Variants in TESC observed in about 807,000 individuals in gnomAD.
TESC encodes calcineurin B homologous protein 3.
Under a neutral mutation model 31.0 loss-of-function variants are expected in TESC, and 19 were observed. That is an observed-to-expected ratio of 0.61 (90% CI 0.43 to 0.90). The LOEUF (loss-of-function observed/expected upper bound fraction) is 0.90, where lower values mean the gene tolerates loss of function less well. Among genes scored for constraint, TESC ranks in the 40% least tolerant of loss-of-function variants. TESC has a pLI of 0.00. For synonymous variants in TESC, 109 were observed against 114.8 expected (o/e 0.95, Z 0.32); for missense variants, 248 against 303.8 (o/e 0.82, Z 1.36).
At chr12:117,062,374 A>G (rs1954810966) in intron 2 of TESC, among the ~76,000 whole-genome samples, 1 of 152,086 alleles carries the variant, frequency 6.6e-6, no homozygotes, top group South Asian at 2.1e-4. Context: ...GGTACCTGCC[A>G]CCATGCCCAG....
chr12:117,098,976 C>G (rs1393076438), intron 1 of TESC, among the ~76,000 whole-genome samples: 1 of 152,158 alleles, frequency 6.6e-6, no homozygotes, highest in Non-Finnish European at 1.5e-5. Flanking sequence ...GGTCCGCAGT[C>G]CCCCGGCCAG....
intron 2 of TESC, among the ~76,000 whole-genome samples, chr12:117,058,287 A>G (rs748093781): frequency 3.2e-4 from 48 of 152,298 alleles, no homozygotes; most frequent in Admixed American, 7.8e-4. Flanking sequence ...AAAGAAGCCA[A>G]TTACAAATGA....
intron 1 of TESC, among the ~76,000 whole-genome samples, chr12:117,080,587 C>T (rs780466379): frequency 2.6e-5 from 4 of 152,344 alleles, no homozygotes; most frequent in Non-Finnish European, 5.9e-5. Flanking sequence ...TCCCTAGAGC[C>T]AAGGGCTCAG....
intron 4 of TESC, among the ~76,000 whole-genome samples, chr12:117,047,808 G>A (rs903836721): frequency 2.6e-5 from 4 of 152,036 alleles, no homozygotes; most frequent in Non-Finnish European, 5.9e-5. Context: ...TGGTGCAACT[G>A]TAGCTCATTG....
chr12:117,059,974 TG>T (rs1321039481), intron 2 of TESC, among the ~76,000 whole-genome samples: 2 of 152,182 alleles, frequency 1.3e-5, no homozygotes, highest in East Asian at 3.9e-4. Flanking sequence ...ACACAAATGG[TG>T]TACGATGCCA....
chr12:117,040,008 G>A (rs1450301818), intron 7 of TESC, among the ~76,000 whole-genome samples: 1 of 152,234 alleles, frequency 6.6e-6, no homozygotes, highest in Non-Finnish European at 1.5e-5. Flanking sequence ...GGACGTGGTG[G>A]GCGGGTGACT....
chr12:117,062,433 G>T (rs1954811652), intron 2 of TESC, among the ~76,000 whole-genome samples: 1 of 152,116 alleles, frequency 6.6e-6, no homozygotes, highest in African/African-American at 2.4e-5. Context: ...TGTTGGCCAG[G>T]CTGGTCTCGA....
intron 1 of TESC, 68 bp downstream of exon 1, chr12:117,099,157 G>A (rs969078437): frequency 9.8e-6 from 14 of 1,423,360 alleles, no homozygotes; most frequent in Middle Eastern, 2.5e-4. Flanking sequence ...GCGGCGGGCC[G>A]GGGTCCCCAA....
chr12:117,048,359 CG>C (rs1463732736), intron 4 of TESC, among the ~76,000 whole-genome samples: 1 of 152,310 alleles, frequency 6.6e-6, no homozygotes, highest in African/African-American at 2.4e-5. Flanking sequence ...CTAAATATAG[CG>C]AAGTCCCATG....
intron 1 of TESC, among the ~76,000 whole-genome samples, 186 bp from the exon 2 acceptor site, chr12:117,075,526 G>T (rs1955039780): frequency 6.6e-6 from 1 of 152,008 alleles, no homozygotes; most frequent in African/African-American, 2.4e-5. Context: ...GTTCTTCCCA[G>T]AAACAGCTCT....
chr12:117,084,546 C>A (rs1473827071), intron 1 of TESC, among the ~76,000 whole-genome samples: 1 of 152,246 alleles, frequency 6.6e-6, no homozygotes, highest in Non-Finnish European at 1.5e-5. Flanking sequence ...CTGGCCTCCC[C>A]CATCAGGCTG....
chr12:117,041,953 G>C lies in TESC; in HGVS notation c.561C>G (p.Phe187Leu). ...CCACGCCCAGGCCACCCACCTTCAG[G>C]AAGTCCTCGAAGGTGATCCCCTCGT... ...QVYEGITFEDFLKIWQGIDIE... is the reference protein window; with the variant it reads ...QVYEGITFEDLLKIWQGIDIE... Residue 187 changes from phenylalanine (F) to leucine (L), a missense_variant, in exon 7 of 8, where the codon TTC becomes TTG. Transcript: ENST00000335209. 1 of 1,589,446 alleles carries C rather than the reference G, an allele frequency of 6.3e-7. No homozygotes were observed.
intron 1 of TESC, among the ~76,000 whole-genome samples, chr12:117,087,586 G>C (rs961783667): frequency 1.3e-5 from 2 of 152,190 alleles, no homozygotes; most frequent in Non-Finnish European, 2.9e-5. Flanking sequence ...GTGGGTGCTC[G>C]TGACTTTAAA....
chr12:117,069,382 G>T (rs1258557777), intron 2 of TESC, among the ~76,000 whole-genome samples: 3 of 152,066 alleles, frequency 2.0e-5, no homozygotes, highest in African/African-American at 7.2e-5. Context: ...GGGATTACAA[G>T]CACACACCAC....
At chr12:117,039,255 C>G in intron 7 of TESC, 45 bp from the exon 8 acceptor site, 1 of 1,574,204 alleles carries the variant, frequency 6.4e-7, no homozygotes, top group South Asian at 1.1e-5. Context: ...CCGCCGCCAC[C>G]TCACACCTGA....
At chr12:117,051,570 C>T (rs531057929) in intron 3 of TESC, among the ~76,000 whole-genome samples, 1 of 152,340 alleles carries the variant, frequency 6.6e-6, no homozygotes, top group African/African-American at 2.4e-5. Context: ...ATTTACAGAG[C>T]ATAAAAATAG....
At chr12:117,093,138 C>T (rs1310689830) in intron 1 of TESC, among the ~76,000 whole-genome samples, 1 of 152,210 alleles carries the variant, frequency 6.6e-6, no homozygotes, top group Non-Finnish European at 1.5e-5. Context: ...CGCTATGCTA[C>T]AGTTGTTGGG....
chr12:117,044,133 G>A (rs1954523194), intron 6 of TESC, among the ~76,000 whole-genome samples: 1 of 152,088 alleles, frequency 6.6e-6, no homozygotes, highest in Non-Finnish European at 1.5e-5. Context: ...GTGTGGTGGT[G>A]TACACCTGTA....
intron 1 of TESC, among the ~76,000 whole-genome samples, chr12:117,092,315 C>T (rs1355307741): frequency 5.9e-5 from 9 of 152,166 alleles, no homozygotes; most frequent in African/African-American, 9.7e-5. Flanking sequence ...TCCAGGGTCC[C>T]GCTCTGTGGC....
Sources: allele counts gnomAD v4.1 joint callset (sites outside exome capture counted in the v4.1 genomes callset), GRCh38; gene constraint gnomAD v4.1.1; transcripts MANE v1.5; gene names NCBI Gene and HGNC (gene_info 2026-07-23, HGNC 2026-07-21).